SAMD12: variants seen among roughly 807,000 people sequenced by gnomAD.
SAMD12 encodes the protein sterile alpha motif domain containing 12.
In SAMD12, 9 loss-of-function variants were observed where a neutral mutation model predicts 15.0. The ratio of observed to expected loss-of-function variants is 0.60; its 90% CI spans 0.36 to 1.05. The LOEUF (loss-of-function observed/expected upper bound fraction) is 1.05. Among genes scored for constraint, SAMD12 ranks in the 50% least tolerant of loss-of-function variants. The pLI is 0.01. For synonymous variants in SAMD12, 86 were observed against 90.1 expected, an observed-to-expected ratio of 0.96 and a Z score of 0.25; for missense variants, 230 against 234.2, an observed-to-expected ratio of 0.98 and a Z score of 0.12.
intron 2 of SAMD12, among the ~76,000 whole-genome samples, chr8:118,453,710 AG>A (rs1196476205): frequency 6.6e-6 from 1 of 151,940 alleles, no homozygotes; most frequent in Non-Finnish European, 1.5e-5. Flanking sequence ...TGTAGGGATG[AG>A]GGTCTCACTA....
chr8:118,454,388 T>G (rs937363640), intron 2 of SAMD12, among the ~76,000 whole-genome samples: 1 of 152,218 alleles, frequency 6.6e-6, no homozygotes, highest in Non-Finnish European at 1.5e-5. Flanking sequence ...TTTTTATTCT[T>G]GATATTCTGA....
chr8:118,313,566 A>G (rs905641741), intron 4 of SAMD12, among the ~76,000 whole-genome samples: 8 of 152,130 alleles, frequency 5.3e-5, no homozygotes, highest in Non-Finnish European at 8.8e-5. Context: ...CTTTCTGTCT[A>G]TAGAAAGCAT....
At chr8:118,173,862 T>A in the SAMD12 span, among the ~76,000 whole-genome samples, 1 of 152,082 alleles carries the variant, frequency 6.6e-6, no homozygotes, top group African/African-American at 2.4e-5. Flanking sequence ...ACTCCTGACC[T>A]CGGGTGATCT....
At chr8:118,238,689 C>G (rs185048422) in intron 4 of SAMD12, among the ~76,000 whole-genome samples, 3 of 152,180 alleles carry the variant, frequency 2.0e-5, no homozygotes, top group Admixed American at 2.0e-4. Context: ...AGAGATTAGA[C>G]AAAAAGCATC....
rs569917400 is a variant in SAMD12, at chr8:118,402,734, T to C, written c.323-23034A>G. On this transcript the variant is annotated intron_variant, in intron 3 of 3. Transcript: ENST00000314727. ...TGGCAGAAGGAGCCCTGTCTGATAA[T>C]GTAAAAGCATGAAAGAACAGACGCT... Among the ~76,000 whole-genome samples the C allele has an allele frequency of 2.9e-4, 44 of 152,320 alleles. 1 individual carries two copies. In the South Asian group the frequency reaches 4.6e-3, roughly 16 times the overall value.
intron 3 of SAMD12, among the ~76,000 whole-genome samples, chr8:118,424,329 C>T (rs1822149989): frequency 6.6e-6 from 1 of 152,138 alleles, no homozygotes; most frequent in Non-Finnish European, 1.5e-5. Context: ...GTTCCTGCAA[C>T]TACGGATCAA....
chr8:118,498,075 A>AAAAGG (rs1412207443), intron 2 of SAMD12, among the ~76,000 whole-genome samples: 1 of 152,230 alleles, frequency 6.6e-6, no homozygotes, highest in Non-Finnish European at 1.5e-5. Context: ...ACGAACTGAA[A>AAAAGG]CAAGGCAAGG....
At chr8:118,595,386 G>A (rs1455036911) in intron 1 of SAMD12, among the ~76,000 whole-genome samples, 4 of 152,106 alleles carry the variant, frequency 2.6e-5, no homozygotes, top group Non-Finnish European at 4.4e-5. Context: ...GAATCCACTC[G>A]GAAAGATTAG....
intron 4 of SAMD12, among the ~76,000 whole-genome samples, chr8:118,243,454 C>G (rs921306930): frequency 6.8e-6 from 1 of 146,254 alleles, no homozygotes; most frequent in Non-Finnish European, 1.5e-5. Flanking sequence ...ATGCACTGTA[C>G]CACTCCATTT....
At chr8:118,398,745 G>A (rs1025839941) in intron 3 of SAMD12, among the ~76,000 whole-genome samples, 1 of 152,110 alleles carries the variant, frequency 6.6e-6, no homozygotes, top group Non-Finnish European at 1.5e-5. Flanking sequence ...GGAACTTTGG[G>A]AAGTGATAGT....
chr8:118,371,338 A>G (rs1029706527), intron 4 of SAMD12, among the ~76,000 whole-genome samples: 3 of 152,172 alleles, frequency 2.0e-5, no homozygotes, highest in African/African-American at 7.2e-5. Context: ...GGAGCAGGAC[A>G]GAGACTTCAG....
At chr8:118,461,549 AT>A (rs34338452) in intron 2 of SAMD12, among the ~76,000 whole-genome samples, 67,586 of 151,898 alleles carry the variant, frequency 0.44, 17,363 homozygotes, top group South Asian at 0.58. Flanking sequence ...ATTTAGGCAC[AT>A]TTTCTTTCCT....
intron 3 of SAMD12, among the ~76,000 whole-genome samples, chr8:118,396,740 C>T (rs1820589708): frequency 2.0e-5 from 3 of 152,184 alleles, no homozygotes; most frequent in Admixed American, 2.0e-4. Flanking sequence ...TTTAATAAAC[C>T]ATTAATGACT....
At chr8:118,440,932 C>T (rs1341130334) in intron 2 of SAMD12, among the ~76,000 whole-genome samples, 4 of 152,040 alleles carry the variant, frequency 2.6e-5, no homozygotes, top group Non-Finnish European at 5.9e-5. Context: ...AAAAGTAAGG[C>T]TATCATATTG....
the SAMD12 span, among the ~76,000 whole-genome samples, chr8:118,152,466 T>A: frequency 0.025 from 3,623 of 145,206 alleles, 133 homozygotes; most frequent in African/African-American, 0.058. Flanking sequence ...CTACCTTCCT[T>A]CCTTCCTTCC....
intron 2 of SAMD12, among the ~76,000 whole-genome samples, chr8:118,494,182 A>G (rs1391394849): frequency 2.0e-5 from 3 of 152,166 alleles, no homozygotes; most frequent in African/African-American, 7.2e-5. Context: ...CAAGCCAAAT[A>G]ACAGAAGTGT....
chr8:118,278,844 T>G (rs1448118108), intron 4 of SAMD12, among the ~76,000 whole-genome samples: 1 of 152,192 alleles, frequency 6.6e-6, no homozygotes, highest in African/African-American at 2.4e-5. Context: ...AAAGGTGCAT[T>G]GTTTCCATTA....
chr8:118,584,557 G>T (rs1827382787), intron 1 of SAMD12, among the ~76,000 whole-genome samples: 1 of 152,082 alleles, frequency 6.6e-6, no homozygotes, highest in African/African-American at 2.4e-5. Context: ...ACCGCAGGCA[G>T]CTTGTGGTCT....
At chr8:118,482,516 A>G (rs1022558080) in intron 2 of SAMD12, among the ~76,000 whole-genome samples, 1 of 151,726 alleles carries the variant, frequency 6.6e-6, no homozygotes, top group East Asian at 1.9e-4. Flanking sequence ...TTTCCCCCTT[A>G]TTGTTATTCT....
Sources: gnomAD v4.1 joint callset for allele counts (sites outside exome capture counted in the v4.1 genomes callset) on GRCh38, gnomAD v4.1.1 for gene constraint, MANE v1.5 for transcripts, NCBI Gene and HGNC (gene_info 2026-07-23, HGNC 2026-07-21) for gene names.